CACNB2: variants seen among roughly 807,000 people sequenced by gnomAD.
CACNB2 encodes voltage-dependent L-type calcium channel subunit beta-2.
Under a neutral mutation model 73.3 loss-of-function variants are expected in CACNB2, and 42 were observed. The ratio of observed to expected loss-of-function variants is 0.57; its 90% confidence interval spans 0.45 to 0.74. The LOEUF (loss-of-function observed/expected upper bound fraction) is 0.74. CACNB2 is among the 30% of genes least tolerant of loss of function. CACNB2 has a pLI of 0.00. For synonymous variants in CACNB2, 348 were observed against 310.3 expected (o/e 1.12, Z -1.28); for missense variants, 940 against 853.0 (o/e 1.10, Z -1.27).
intron 2 of CACNB2, among the ~76,000 whole-genome samples, chr10:18,319,426 A>C (rs1405529930): frequency 6.6e-6 from 1 of 152,004 alleles, no homozygotes; most frequent in African/African-American, 2.4e-5. Flanking sequence ...GGAGGGGACC[A>C]ACCCACACCA....
At chr10:18,292,723 T>C (rs980824077) in intron 2 of CACNB2, among the ~76,000 whole-genome samples, 2 of 152,162 alleles carry the variant, frequency 1.3e-5, no homozygotes, top group African/African-American at 2.4e-5. Flanking sequence ...ACCTACCAGA[T>C]TGAGCTCAGA....
At chr10:18,498,743 C>T (rs963080824) in intron 4 of CACNB2, 8 of 434,614 alleles carry the variant, frequency 1.8e-5, no homozygotes, top group African/African-American at 1.6e-4. Context: ...AGTAGATGAT[C>T]CTTTTTTATG....
intron 11 of CACNB2, 44 bp downstream of exon 11, chr10:18,534,271 A>C: frequency 6.6e-7 from 1 of 1,523,332 alleles, no homozygotes; most frequent in Non-Finnish European, 9.1e-7. Context: ...AAACTTTCCT[A>C]AAATGTATTT....
intron 2 of CACNB2, among the ~76,000 whole-genome samples, chr10:18,240,482 G>C (rs1276212474): frequency 6.6e-6 from 1 of 152,098 alleles, no homozygotes; most frequent in African/African-American, 2.4e-5. Context: ...CGTGTAACCA[G>C]GTCGCTCACT....
At chr10:18,183,944 G>A (rs1026629010) in intron 2 of CACNB2, among the ~76,000 whole-genome samples, 9 of 152,160 alleles carry the variant, frequency 5.9e-5, no homozygotes, top group African/African-American at 2.2e-4. Context: ...CTAGAGCTCC[G>A]TTGCTCCTCT....
intron 2 of CACNB2, among the ~76,000 whole-genome samples, chr10:18,397,509 C>T (rs144198018): frequency 5.3e-5 from 8 of 151,254 alleles, no homozygotes; most frequent in South Asian, 2.1e-4. Flanking sequence ...CTTGTGTGAA[C>T]GTTAGACATA....
In CACNB2 at chr10:18,414,182, G is replaced by A. The variant is rs1297573129; in HGVS notation, c.333+12139G>A. The stretch of plus-strand genomic sequence containing the variant: ...TTGCATCCCCACCCATCCCAGTGAC[G>A]AAGGCATGGGCCTTGTCTCCTGTAC... On this transcript the variant is annotated intron_variant, in intron 3 of 13. Coordinates refer to ENST00000324631, the MANE Select transcript of CACNB2 (RefSeq NM_201596.3). Among the ~76,000 whole-genome samples, 7 of 152,290 alleles carry A rather than the reference G, an allele frequency of 4.6e-5. No individual in the cohort carries two copies. In the South Asian group the frequency reaches 1.0e-3, roughly 23 times the overall value.
At chr10:18,502,157 A>C (rs918921127) in intron 5 of CACNB2, among the ~76,000 whole-genome samples, 2 of 152,132 alleles carry the variant, frequency 1.3e-5, no homozygotes, top group African/African-American at 4.8e-5. Flanking sequence ...AAATCCAAAA[A>C]TTAGCTGGGC....
intron 2 of CACNB2, among the ~76,000 whole-genome samples, chr10:18,254,087 A>C (rs1387766397): frequency 6.6e-6 from 1 of 152,142 alleles, no homozygotes; most frequent in Non-Finnish European, 1.5e-5. Context: ...AGGTCCTCAA[A>C]TGGCTTTGGT....
In CACNB2 at chr10:18,244,424, A is replaced by T. The variant is rs115758791; in HGVS notation, c.213+93449A>T. Reference sequence around the variant, plus strand: ...GTGATTATGGGGATCCCTAAAGGATATGGCTTTTCCTAACGTGCAAAACAG... The same window carrying T: ...GTGATTATGGGGATCCCTAAAGGATTTGGCTTTTCCTAACGTGCAAAACAG... On this transcript the variant is annotated intron_variant, in intron 2 of 13. Transcript: ENST00000324631. Among the ~76,000 whole-genome samples the T allele has an allele frequency of 3.5e-3, 527 of 152,328 alleles. 1 individual carries two copies. Among genetic ancestry groups the T allele is most frequent in the African/African-American group, 0.012 (504 of 41,578 alleles).
chr10:18,325,619 TTC>T (rs1365690429), intron 2 of CACNB2, among the ~76,000 whole-genome samples: 4 of 151,654 alleles, frequency 2.6e-5, no homozygotes, highest in East Asian at 3.9e-4. Flanking sequence ...TTTCTTTCCT[TTC>T]TCTTTCTTTC....
chr10:18,462,257 GTTGA>G lies in CACNB2; in HGVS notation c.334-36085_334-36082del, dbSNP rs769468627. Among the ~76,000 whole-genome samples the G allele has an allele frequency of 1.6e-4, 24 of 152,240 alleles. No individual in the cohort carries two copies. The East Asian group carries it at 2.3e-3, about 15-fold the overall frequency. ...AGACAGCAAATAGGAGCGCTGGTTG[GTTGA>G]TTGATTGATTGAGACAGCGTCTCAC... On this transcript the variant is annotated intron_variant, in intron 3 of 13. Transcript: ENST00000324631.
intron 11 of CACNB2, among the ~76,000 whole-genome samples, chr10:18,535,862 T>A (rs2053521210): frequency 6.6e-6 from 1 of 152,112 alleles, no homozygotes; most frequent in Non-Finnish European, 1.5e-5. Context: ...TTAGCTTCTT[T>A]AAAGAGGTTG....
At chr10:18,353,541 G>A (rs1314272360) in intron 2 of CACNB2, among the ~76,000 whole-genome samples, 3 of 152,164 alleles carry the variant, frequency 2.0e-5, no homozygotes, top group Non-Finnish European at 4.4e-5. Context: ...AAATATGTAA[G>A]CATTTCTTCA....
At chr10:18,493,199 C>T (rs945924076) in intron 3 of CACNB2, among the ~76,000 whole-genome samples, 3 of 152,130 alleles carry the variant, frequency 2.0e-5, no homozygotes, top group Non-Finnish European at 4.4e-5. Context: ...GATGGAGTCT[C>T]GCTCTGTTGC....
chr10:18,148,929 G>A (rs1004357020), intron 1 of CACNB2, among the ~76,000 whole-genome samples: 21 of 151,176 alleles, frequency 1.4e-4, no homozygotes, highest in Non-Finnish European at 2.5e-4. Context: ...GAGGGTGTGG[G>A]GTGTAGTCAA....
At chr10:18,436,371 G>A (rs2046138069) in intron 3 of CACNB2, among the ~76,000 whole-genome samples, 1 of 152,180 alleles carries the variant, frequency 6.6e-6, no homozygotes, top group Non-Finnish European at 1.5e-5. Flanking sequence ...CGGATAGTCT[G>A]TTCATGGAGA....
chr10:18,179,529 T>C (rs1005987073), intron 2 of CACNB2, among the ~76,000 whole-genome samples: 3 of 152,220 alleles, frequency 2.0e-5, no homozygotes, highest in Non-Finnish European at 2.9e-5. Flanking sequence ...GAAAGTGCTA[T>C]AGTAATACAT....
chr10:18,495,704 G>A (rs886734080), intron 3 of CACNB2, among the ~76,000 whole-genome samples: 20 of 151,818 alleles, frequency 1.3e-4, no homozygotes, highest in African/African-American at 4.8e-4. Flanking sequence ...ATGAGCCACG[G>A]CACCTGGCCT....
Sources: gnomAD v4.1 joint callset for allele counts (sites outside exome capture counted in the v4.1 genomes callset) on GRCh38, gnomAD v4.1.1 for gene constraint, MANE v1.5 for transcripts, NCBI Gene and HGNC (gene_info 2026-07-23, HGNC 2026-07-21) for gene names.